The following SETD1A variants were observed in gnomAD, a reference collection of about 807,000 sequenced individuals.
The protein encoded by SETD1A is histone-lysine N-methyltransferase SETD1A.
SETD1A carries 29 observed loss-of-function variants against 149.9 expected under a neutral mutation model. The observed-to-expected ratio is 0.19, with a 90% CI of 0.14 to 0.26. The LOEUF is 0.26. SETD1A is among the 10% of genes least tolerant of loss of function. The pLI is 1.00. For synonymous variants in SETD1A, 1,141 were observed against 968.5 expected, an observed-to-expected ratio of 1.18 and a Z score of -3.31; for missense variants, 2,109 against 2,353.1, an observed-to-expected ratio of 0.90 and a Z score of 2.15.
At chr16:30,958,907 A>G (rs1393648360) in intron 2 of SETD1A, 26 bp downstream of exon 2, 1 of 1,613,102 alleles carries the variant, frequency 6.2e-7, no homozygotes, top group Non-Finnish European at 8.5e-7. Context: ...TTTGGTTGCC[A>G]TCCGGGGAGC....
intron 13 of SETD1A, among the ~76,000 whole-genome samples, chr16:30,972,726 C>T (rs1243586505): frequency 1.3e-5 from 2 of 150,532 alleles, no homozygotes; most frequent in Non-Finnish European, 1.5e-5. Context: ...TGGTGGCGCA[C>T]ACCTGTGATC....
chr16:30,979,208 C>T lies in SETD1A; in HGVS notation c.3422C>T (p.Pro1141Leu), dbSNP rs750028278. The change falls in exon 14 of 19, where the codon CCG becomes CTG. Residue 1141 changes from proline to leucine, a missense_variant. Pro to Leu is a moderately conservative substitution (Grantham distance 98). Around this residue, in one of 8 missense-constraint regions of SETD1A, gnomAD observed 832 missense variants for 815.6 expected, o/e 1.02. Transcript: ENST00000262519. ...LRPPEPPAGPPAPAPRPDERP... is the reference protein window; with the variant it reads ...LRPPEPPAGPLAPAPRPDERP... ...CCCCCAGAACCACCTGCTGGGCCCC[C>T]GGCCCCTGCCCCACGCCCCGATGAG... The T allele has an allele frequency of 7.0e-6, 11 of 1,581,556 alleles. No individual in the cohort carries two copies. The highest frequency in any genetic ancestry group is 2.7e-5 in the African/African-American group (2 of 74,460).
At chr16:30,972,402 C>T (rs893792496) in intron 13 of SETD1A, among the ~76,000 whole-genome samples, 1 of 152,074 alleles carries the variant, frequency 6.6e-6, no homozygotes, top group African/African-American at 2.4e-5. Context: ...TTTGGGAGGC[C>T]AAGGCGGGTG....
At chr16:30,963,991 C>T in intron 5 of SETD1A, 103 bp from the exon 6 acceptor site, 1 of 803,656 alleles carries the variant, frequency 1.2e-6, no homozygotes, top group South Asian at 1.7e-5. Flanking sequence ...GACTCCGTCT[C>T]AAAAAAAAAA....
rs746456801 is a variant in SETD1A, at chr16:30,980,466, C to T, written c.4409-19C>T. 6.2e-6 allele frequency: 10 copies of T among 1,603,462 alleles called. No homozygotes were observed. The highest frequency in any genetic ancestry group is 6.8e-6 in the Non-Finnish European group (8 of 1,173,802). ...CAGGTGGCCAGAGAGGAGCCGTTCT[C>T]TTCCTTAACACCCTGCACTCACCAA... On this transcript the variant is annotated intron_variant, in intron 14 of 18. Transcript: ENST00000262519. The surrounding 1 kb of genome is among the most constrained non-coding windows in gnomAD (Gnocchi z 7.7).
Position 30,983,165 on chromosome 16 carries a change from C to T in SETD1A, c.4813-470C>T, listed in dbSNP as rs900992481. Among the ~76,000 whole-genome samples the T allele has an allele frequency of 2.6e-5, 4 of 152,164 alleles. No homozygotes were observed. Among genetic ancestry groups the T allele is most frequent in the Admixed American group, 2.0e-4 (3 of 15,282 alleles). On this transcript the variant is annotated intron_variant, in intron 17 of 18. Transcript: ENST00000262519. The surrounding 1 kb of genome is among the most constrained non-coding windows in gnomAD (Gnocchi z 6.8). Reference sequence around the variant, plus strand: ...TGGGAAGTAAGGGTTGCTCCTCACACGGAGGTGCGGGGCCTGACATGGGCG... The same window carrying T: ...TGGGAAGTAAGGGTTGCTCCTCACATGGAGGTGCGGGGCCTGACATGGGCG...
rs746561159 is a variant in SETD1A, at chr16:30,959,205, C to A, written c.246+19C>A. On this transcript the variant is annotated intron_variant, in intron 3 of 18. Coordinates refer to ENST00000262519, the MANE Select transcript of SETD1A (RefSeq NM_014712.3). ...GTTTAAGGTAAGTGTCTGCTGGGCTCCTGGTGTGGTAGTCCTAAGAGGGTG... is the reference window on the plus strand; with the variant it reads ...GTTTAAGGTAAGTGTCTGCTGGGCTACTGGTGTGGTAGTCCTAAGAGGGTG... 6.7e-7 allele frequency: 1 copy of A among 1,496,712 alleles called. No individual in the cohort carries two copies. Among genetic ancestry groups the A allele is most frequent in the East Asian group, 2.3e-5 (1 of 44,292 alleles). 92.7% of individuals were successfully genotyped at this position (1,496,712 alleles called of 1,614,324 possible).
intron 3 of SETD1A, among the ~76,000 whole-genome samples, chr16:30,959,478 T>C (rs1022020366): frequency 3.3e-5 from 5 of 152,164 alleles, no homozygotes; most frequent in Non-Finnish European, 4.4e-5. Context: ...AGACAGTGCA[T>C]CATAGCACAC....
chr16:30,977,504 G>C (rs550372932), intron 13 of SETD1A, among the ~76,000 whole-genome samples: 1 of 152,240 alleles, frequency 6.6e-6, no homozygotes, highest in East Asian at 1.9e-4. Flanking sequence ...TGGGACAGTC[G>C]CAGAGGGAAG....
In SETD1A at chr16:30,980,807, C is replaced by T. The variant is rs141686467; in HGVS notation, c.4650C>T (p.Ser1550=). 3.9e-4 allele frequency: 628 copies of T among 1,613,046 alleles called. No individual in the cohort carries two copies. Among genetic ancestry groups the T allele is most frequent in the Non-Finnish European group, 5.1e-4 (604 of 1,179,902 alleles). The change falls in exon 16 of 19, where the codon TCC becomes TCT. Residue 1550 remains serine, a synonymous_variant. Transcript: ENST00000262519. This position sits in a 1 kb window ranked among gnomAD's most constrained non-coding sequence, Gnocchi z 7.7. ...GGCTGCTGAGCGCCATCGGTACCTCCGCCATCATGGACAGTGACCTGCTGA... is the reference window on the plus strand; with the variant it reads ...GGCTGCTGAGCGCCATCGGTACCTCTGCCATCATGGACAGTGACCTGCTGA... ...QRRLLSAIGT[S]AIMDSDLLKL... is the part of the protein sequence containing the mutation.
At chr16:30,978,709 G>A (rs1350914537) in intron 13 of SETD1A, among the ~76,000 whole-genome samples, 1 of 152,262 alleles carries the variant, frequency 6.6e-6, no homozygotes, top group Non-Finnish European at 1.5e-5. Flanking sequence ...TGGAGATAAT[G>A]GATATTTTAG....
Position 30,965,699 on chromosome 16 carries a change from A to G in SETD1A, c.1818A>G (p.Pro606=). 2.7e-6 allele frequency: 1 copy of G among 365,016 alleles called. No homozygotes were observed. Among genetic ancestry groups the G allele is most frequent in the Non-Finnish European group, 4.1e-6 (1 of 242,290 alleles). The allele number at this position is 365,016 out of a possible 1,614,324, so 22.6% of individuals were successfully genotyped here. Reference sequence around the variant, plus strand: ...CGACGCCCCCTCAGCAGCCTCCGCCACCTCCCCCTCCCCCGCCGCCTCCTC... The same window carrying G: ...CGACGCCCCCTCAGCAGCCTCCGCCGCCTCCCCCTCCCCCGCCGCCTCCTC... The part of the protein sequence containing the change: ...PAPTPPQQPP[P]PPPPPPPPPP... Residue 606 remains proline (P), a synonymous_variant, in exon 8 of 19, where the codon CCA becomes CCG. Transcript: ENST00000262519.
rs372068363 is a variant in SETD1A, at chr16:30,980,678, G to A, written c.4581+21G>A. 9.3e-5 allele frequency: 149 copies of A among 1,609,668 alleles called. No homozygotes were observed. The South Asian group carries it at 1.3e-3, about 14-fold the overall frequency. On this transcript the variant is annotated intron_variant, in intron 15 of 18. Transcript: ENST00000262519. The surrounding 1 kb of genome is among the most constrained non-coding windows in gnomAD (Gnocchi z 7.7). ...CTCAGGTGGGCCTAACCCCGCCGCC[G>A]CGTCCTCCTGCCACTCACTTCCCTG...
chr16:30,967,375 A>C lies in SETD1A; in HGVS notation c.2683-126A>C, dbSNP rs1041831410. The C allele has an allele frequency of 4.8e-6, 4 of 834,026 alleles. No individual in the cohort carries two copies. In the African/African-American group the frequency reaches 6.8e-5, roughly 14 times the overall value. The allele number at this position is 834,026 out of a possible 1,614,324, so 51.7% of individuals were successfully genotyped here. ...CACTGTGTTGGCCAGGCTGGTCTTG[A>C]ACTCCTAACCTCAGGTGATCTACCT... On this transcript the variant is annotated intron_variant, in intron 9 of 18. Coordinates refer to ENST00000262519, the MANE Select transcript of SETD1A (RefSeq NM_014712.3).
chr16:30,980,170 G>T lies in SETD1A; in HGVS notation c.4384G>T (p.Asp1462Tyr). 6.2e-7 allele frequency: 1 copy of T among 1,609,722 alleles called. No individual in the cohort carries two copies. The highest frequency in any genetic ancestry group is 8.5e-7 in the Non-Finnish European group (1 of 1,178,022). The change falls in exon 14 of 19, where the codon GAC becomes TAC. Residue 1462 changes from aspartate (D) to tyrosine (Y), a missense_variant. Coordinates refer to ENST00000262519, the MANE Select transcript of SETD1A (RefSeq NM_014712.3). The surrounding 1 kb of genome is among the most constrained non-coding windows in gnomAD (Gnocchi z 7.7). The stretch of plus-strand genomic sequence containing the variant: ...GACAAGCGGGGCTGACTGGCTCAAC[G>T]ACACTCACTGGGTCCATCACACAAA... Reference protein sequence around the residue: ...QQTSGADWLNDTHWVHHTITN... With the variant: ...QQTSGADWLNYTHWVHHTITN...
chr16:30,969,676 A>AGAG lies in SETD1A; in HGVS notation c.3005_3007dup (p.Glu1002dup). 6.2e-7 allele frequency: 1 copy of AGAG among 1,613,930 alleles called. No homozygotes were observed. The highest frequency in any genetic ancestry group is 8.5e-7 in the Non-Finnish European group (1 of 1,179,756). Reference sequence around the variant, plus strand: ...CTGTGGATACCACAAAGAAGGAGACAGAGGTGTCGGATGGTGAGCACAAGA... The same window carrying AGAG: ...CTGTGGATACCACAAAGAAGGAGACAGAGGAGGTGTCGGATGGTGAGCACAAGA... On this transcript the variant is annotated inframe_insertion, in exon 12 of 19. Coordinates refer to ENST00000262519, the MANE Select transcript of SETD1A (RefSeq NM_014712.3).
At position 30,982,647 on chromosome 16, in the gene SETD1A, T is replaced by TCAGGAGAGGGTCCTTCCG. The variant is rs68151881; in HGVS notation, c.4813-959_4813-942dup. On this transcript the variant is annotated intron_variant, in intron 17 of 18. Transcript: ENST00000262519. ...GAGGAGGAAAGTCCCGGAGCTTTCTTCAGGAGAGGGTCCTTCCGCAGGAGA... is the reference window on the plus strand; with the variant it reads ...GAGGAGGAAAGTCCCGGAGCTTTCTTCAGGAGAGGGTCCTTCCGCAGGAGAGGGTCCTTCCGCAGGAGA... Among the ~76,000 whole-genome samples, 508 of 150,986 alleles carry TCAGGAGAGGGTCCTTCCG rather than the reference T, an allele frequency of 3.4e-3. 3 individuals carry two copies. The highest frequency in any genetic ancestry group is 0.012 in the African/African-American group (479 of 41,188).
At chr16:30,970,248 C>G (rs887165747) in intron 12 of SETD1A, among the ~76,000 whole-genome samples, 2 of 145,598 alleles carry the variant, frequency 1.4e-5, no homozygotes, top group Non-Finnish European at 3.0e-5. Flanking sequence ...GGATTACAGG[C>G]GTGAGCCACC....
In SETD1A at chr16:30,966,160, C is replaced by G; in HGVS notation, c.2279C>G (p.Pro760Arg). 6.2e-7 allele frequency: 1 copy of G among 1,608,806 alleles called. No homozygotes were observed. Among genetic ancestry groups the G allele is most frequent in the Non-Finnish European group, 8.5e-7 (1 of 1,177,128 alleles). ...ATGCCAATGGCAGCCGAGCCCCTGCCCTCCTCCTCAGTCTCGGGAGAGGAG... is the reference window on the plus strand; with the variant it reads ...ATGCCAATGGCAGCCGAGCCCCTGCGCTCCTCCTCAGTCTCGGGAGAGGAG... ...LPMPMAAEPL[P>R]SSSVSGEEAR... The change falls in exon 8 of 19, where the codon CCC (proline) becomes CGC (arginine). Residue 760 changes from proline to arginine, a missense_variant. Around this residue, in one of 8 missense-constraint regions of SETD1A, gnomAD observed 431 missense variants for 388.6 expected, o/e 1.11. Transcript: ENST00000262519.
Sources: gnomAD v4.1 joint callset for allele counts (sites outside exome capture counted in the v4.1 genomes callset) on GRCh38, gnomAD v4.1.1 for gene constraint, gnomAD v4.1.1 regional missense constraint, Gnocchi (gnomAD v3.1) non-coding constraint, MANE v1.5 for transcripts, NCBI Gene and HGNC (gene_info 2026-07-23, HGNC 2026-07-21) for gene names.